The following KCNJ6 variants were observed in gnomAD, a reference collection of about 807,000 sequenced individuals.
KCNJ6 encodes the protein potassium inwardly rectifying channel subfamily J member 6.
KCNJ6 carries 9 observed loss-of-function variants against 34.2 expected under a neutral mutation model. The ratio of observed to expected loss-of-function variants is 0.26; its 90% confidence interval spans 0.16 to 0.46. KCNJ6 has a LOEUF of 0.46. Ranked by LOEUF, KCNJ6 falls within the 20% of genes least tolerant of loss-of-function variation. KCNJ6 has a pLI of 1.00. For synonymous variants in KCNJ6, 196 were observed against 207.1 expected (o/e 0.95, Z 0.46); for missense variants, 236 against 531.3 (o/e 0.44, Z 5.46).
chr21:37,763,111 G>A (rs1455467014), intron 2 of KCNJ6, among the ~76,000 whole-genome samples: 1 of 152,032 alleles, frequency 6.6e-6, no homozygotes, highest in Non-Finnish European at 1.5e-5. Flanking sequence ...GATGGCATGT[G>A]AGGAGGAATT....
rs557804299 is a variant in KCNJ6, at chr21:37,675,018, A to T, written c.946+39193T>A. On this transcript the variant is annotated intron_variant, in intron 3 of 3. Transcript: ENST00000609713. The surrounding 1 kb of genome is among the most constrained non-coding windows in gnomAD (Gnocchi z 4.2). ...CCACCCTGCACTGCCCCTGTCCCCA[A>T]GCCTTCCAGGTGGACTCATGCAGTC... Among the ~76,000 whole-genome samples the T allele has an allele frequency of 3.9e-5, 6 of 152,114 alleles. No individual in the cohort carries two copies. The highest frequency in any genetic ancestry group is 1.4e-4 in the African/African-American group (6 of 41,428).
chr21:37,711,797 A>ACCG lies in KCNJ6; in HGVS notation c.946+2413_946+2414insCGG, dbSNP rs370200563. Among the ~76,000 whole-genome samples, 27 of 142,802 alleles carry ACCG rather than the reference A, an allele frequency of 1.9e-4. No homozygotes were observed. The East Asian group carries it at 4.7e-3, about 25-fold the overall frequency. The allele number at this position is 142,802 out of a possible 152,430, so 93.7% of individuals were successfully genotyped here. On this transcript the variant is annotated intron_variant, in intron 3 of 3. Coordinates refer to ENST00000609713, the MANE Select transcript of KCNJ6 (RefSeq NM_002240.5). ...CCAGACACCTCCAGAACTTTCTAGA[A>ACCG]CCCCCCCCCCAAGTCTAGAAATTAG...
At chr21:37,652,209 G>C (rs936859469) in intron 3 of KCNJ6, among the ~76,000 whole-genome samples, 3 of 152,228 alleles carry the variant, frequency 2.0e-5, no homozygotes, top group African/African-American at 4.8e-5. Context: ...CCACGGAGGA[G>C]AGTGGTTCCA....
chr21:37,667,915 T>G (rs1475283317), intron 3 of KCNJ6, among the ~76,000 whole-genome samples: 2 of 152 alleles, frequency 0.013, no homozygotes, highest in African/African-American at 0.029. Context: ...GTGCCACTCC[T>G]GGAGTGGTGT....
chr21:37,691,334 G>T lies in KCNJ6; in HGVS notation c.946+22877C>A, dbSNP rs369156201. Among the ~76,000 whole-genome samples, 22 of 152,284 alleles carry T rather than the reference G, an allele frequency of 1.4e-4. No homozygotes were observed. The East Asian group carries it at 3.7e-3, about 25-fold the overall frequency. ...TTCATTTACTAGACTGGAAGTGAGA[G>T]ACATCTCCCTCCCCTCCCTTATTGG... On this transcript the variant is annotated intron_variant, in intron 3 of 3. Coordinates refer to ENST00000609713, the MANE Select transcript of KCNJ6 (RefSeq NM_002240.5).
intron 3 of KCNJ6, among the ~76,000 whole-genome samples, chr21:37,690,193 T>C (rs1261862617): frequency 6.6e-6 from 1 of 152,240 alleles, no homozygotes; most frequent in East Asian, 1.9e-4. Flanking sequence ...GTCATCATTA[T>C]GAACTACTCA....
At chr21:37,729,667 CAGTT>C (rs760523586) in intron 2 of KCNJ6, among the ~76,000 whole-genome samples, 4 of 152,222 alleles carry the variant, frequency 2.6e-5, no homozygotes, top group Admixed American at 2.0e-4. Context: ...GGACTGTCTA[CAGTT>C]AGTTAGAACC....
At chr21:37,858,211 G>A (rs2055574677) in intron 1 of KCNJ6, among the ~76,000 whole-genome samples, 1 of 151,914 alleles carries the variant, frequency 6.6e-6, no homozygotes, top group African/African-American at 2.4e-5. Flanking sequence ...ATAACACGGT[G>A]AAACCCCATC....
chr21:37,699,431 A>C (rs1438125531), intron 3 of KCNJ6, among the ~76,000 whole-genome samples: 1 of 152,158 alleles, frequency 6.6e-6, no homozygotes, highest in Non-Finnish European at 1.5e-5. Context: ...TTTTTTATTG[A>C]TATGGATACC....
chr21:37,633,605 T>C (rs2054343433), intron 3 of KCNJ6, among the ~76,000 whole-genome samples: 1 of 152,176 alleles, frequency 6.6e-6, no homozygotes. Flanking sequence ...TAAGAATGTT[T>C]AGCAAGGTGG....
intron 3 of KCNJ6, among the ~76,000 whole-genome samples, chr21:37,678,503 G>A (rs919418828): frequency 3.3e-5 from 5 of 152,186 alleles, no homozygotes; most frequent in African/African-American, 9.7e-5. Context: ...ATAATTCCCA[G>A]AAATACCCAG....
At chr21:37,807,957 C>A (rs1462222129) in intron 2 of KCNJ6, among the ~76,000 whole-genome samples, 1 of 152,134 alleles carries the variant, frequency 6.6e-6, no homozygotes, top group African/African-American at 2.4e-5. Context: ...CGAGCATGTC[C>A]TGGTGTGACA....
chr21:37,638,792 C>T (rs2054368761), intron 3 of KCNJ6, among the ~76,000 whole-genome samples: 1 of 152,228 alleles, frequency 6.6e-6, no homozygotes, highest in Non-Finnish European at 1.5e-5. Flanking sequence ...CAAATCAAAT[C>T]TCAAACTGCA....
rs115875376 is a variant in KCNJ6, at chr21:37,748,776, C to A, written c.26-33645G>T. Among the ~76,000 whole-genome samples the A allele has an allele frequency of 4.2e-3, 646 of 152,236 alleles. 4 individuals are homozygous for A. The highest frequency in any genetic ancestry group is 0.014 in the African/African-American group (578 of 41,528). ...CAAATTCATACTTGGCTTTGTAGCA[C>A]AAAGGACAAACCTAGTGGGGTCTGA... On this transcript the variant is annotated intron_variant, in intron 2 of 3. Transcript: ENST00000609713.
intron 3 of KCNJ6, among the ~76,000 whole-genome samples, chr21:37,674,496 C>T (rs1207042844): frequency 1.3e-5 from 1 of 78,842 alleles, no homozygotes; most frequent in Non-Finnish European, 2.4e-5. Flanking sequence ...TCCTCTCTGC[C>T]CACTCCCCTC....
intron 1 of KCNJ6, among the ~76,000 whole-genome samples, chr21:37,868,579 T>C (rs1330707141): frequency 6.6e-6 from 1 of 151,978 alleles, no homozygotes; most frequent in Non-Finnish European, 1.5e-5. Context: ...GTGGGAAAAA[T>C]ATAAATCGAA....
chr21:37,676,226 C>T (rs1233450638), intron 3 of KCNJ6, among the ~76,000 whole-genome samples: 2 of 152,108 alleles, frequency 1.3e-5, no homozygotes, highest in African/African-American at 4.8e-5. Context: ...TTTGGGTCAG[C>T]GGTGGAGAGG....
chr21:37,852,927 G>C (rs922542339), intron 1 of KCNJ6, among the ~76,000 whole-genome samples: 15 of 152,028 alleles, frequency 9.9e-5, no homozygotes, highest in Admixed American at 2.6e-4. Flanking sequence ...GGGTAAGACA[G>C]AGCAAAGAAA....
intron 1 of KCNJ6, among the ~76,000 whole-genome samples, chr21:37,891,264 G>GAC (rs912195011): frequency 6.6e-6 from 1 of 151,946 alleles, no homozygotes; most frequent in Non-Finnish European, 1.5e-5. Context: ...CACAGGCAAA[G>GAC]ACACACACAC....
Sources: gnomAD v4.1 joint callset for allele counts (sites outside exome capture counted in the v4.1 genomes callset) on GRCh38, gnomAD v4.1.1 for gene constraint, Gnocchi (gnomAD v3.1) non-coding constraint, MANE v1.5 for transcripts, NCBI Gene and HGNC (gene_info 2026-07-23, HGNC 2026-07-21) for gene names.